TNIK: variants seen among roughly 807,000 people sequenced by gnomAD.
The protein encoded by TNIK is TRAF2 and NCK-interacting protein kinase.
Under a neutral mutation model 191.3 loss-of-function variants are expected in TNIK, and 49 were observed. The ratio of observed to expected loss-of-function variants is 0.26; its 90% CI spans 0.20 to 0.32. The LOEUF is 0.32. Ranked by LOEUF, TNIK falls within the 10% of genes least tolerant of loss-of-function variation. TNIK has a pLI of 1.00. For missense variants in TNIK, 1,155 were observed against 1,702.3 expected, an observed-to-expected ratio of 0.68 and a Z score of 5.66; for synonymous variants, 594 against 600.9, an observed-to-expected ratio of 0.99 and a Z score of 0.17.
chr3:171,249,821 C>A (rs1560320549), intron 2 of TNIK, among the ~76,000 whole-genome samples: 1 of 152,180 alleles, frequency 6.6e-6, no homozygotes, highest in Non-Finnish European at 1.5e-5. Context: ...CCAACCCACC[C>A]AACCCAACCT....
chr3:171,317,217 T>G (rs1432362907), intron 2 of TNIK, among the ~76,000 whole-genome samples: 2 of 152,060 alleles, frequency 1.3e-5, no homozygotes, highest in Admixed American at 1.3e-4. Flanking sequence ...GGCCAGGTTC[T>G]TTGGTTTAGG....
intron 12 of TNIK, among the ~76,000 whole-genome samples, chr3:171,151,461 CAAG>C (rs1430168577): frequency 6.6e-6 from 1 of 152,328 alleles, no homozygotes; most frequent in East Asian, 1.9e-4. Flanking sequence ...ACACCAATAA[CAAG>C]AACAACTCAT....
chr3:171,095,771 A>G (rs1356433060), intron 22 of TNIK, among the ~76,000 whole-genome samples: 1 of 152,214 alleles, frequency 6.6e-6, no homozygotes, highest in East Asian at 1.9e-4. Flanking sequence ...CATTGCAATT[A>G]CTAAACTGGA....
At position 171,125,962 on chromosome 3, in the gene TNIK, T is replaced by C; in HGVS notation, c.1963A>G (p.Lys655Glu). The change falls in exon 17 of 33, where the codon AAG (lysine) becomes GAG (glutamate). Residue 655 changes from lysine to glutamate, a missense_variant. Transcript: ENST00000436636. ...CGTAACCAAGAGCTTCGGTCAAACT[T>C]TTCAATGCGAGTGGGGAGAGGAGGA... is the stretch of plus-strand genomic sequence containing the variant. ...ENPPLPTRIE[K>E]FDRSSWLRQE... 6.2e-7 allele frequency: 1 copy of C among 1,613,984 alleles called. No individual in the cohort carries two copies. The highest frequency in any genetic ancestry group is 2.2e-5 in the East Asian group (1 of 44,882).
At chr3:171,161,732 C>T (rs1020226065) in intron 10 of TNIK, among the ~76,000 whole-genome samples, 36 of 151,838 alleles carry the variant, frequency 2.4e-4, no homozygotes, top group Admixed American at 7.9e-4. Context: ...TCCTGGCTAA[C>T]ATGGCAAAAC....
chr3:171,214,103 G>A (rs1023158871), intron 3 of TNIK, among the ~76,000 whole-genome samples: 10 of 151,868 alleles, frequency 6.6e-5, no homozygotes, highest in South Asian at 6.2e-4. Context: ...TTGATCTTAC[G>A]CAACTTTTTA....
rs181355926 is a variant in TNIK, at chr3:171,454,288, T to C, written c.57+5719A>G. Among the ~76,000 whole-genome samples, 426 of 151,932 alleles carry C rather than the reference T, an allele frequency of 2.8e-3. 4 individuals are homozygous for C. The highest frequency in any genetic ancestry group is 9.9e-3 in the African/African-American group (410 of 41,410). ...ACTATCACTGAGAGAAGGAATGGCG[T>C]CGAAACAAGAAGGGCACGGAAGATT... On this transcript the variant is annotated intron_variant, in intron 1 of 32. Transcript: ENST00000436636.
At chr3:171,368,766 G>A (rs1873791) in intron 2 of TNIK, among the ~76,000 whole-genome samples, 10,642 of 152,018 alleles carry the variant, frequency 0.07, 447 homozygotes, top group South Asian at 0.16. Context: ...AATAGAACAC[G>A]AGATAATTTG....
chr3:171,075,608 A>G (rs1042302740), intron 28 of TNIK, among the ~76,000 whole-genome samples: 1 of 152,168 alleles, frequency 6.6e-6, no homozygotes, highest in Admixed American at 6.5e-5. Flanking sequence ...ATTCCTTTTT[A>G]AAAAAACAAA....
chr3:171,224,589 C>CA (rs1742755020), intron 3 of TNIK, among the ~76,000 whole-genome samples: 1 of 152,090 alleles, frequency 6.6e-6, no homozygotes, highest in African/African-American at 2.4e-5. Flanking sequence ...GAGGAGTTTA[C>CA]AGAAAAGGCA....
At chr3:171,262,274 C>G (rs1202292480) in intron 2 of TNIK, among the ~76,000 whole-genome samples, 2 of 152,116 alleles carry the variant, frequency 1.3e-5, no homozygotes, top group Admixed American at 1.3e-4. Flanking sequence ...CTCATGTACC[C>G]CTCCCATCAC....
At chr3:171,316,405 T>C (rs1183192925) in intron 2 of TNIK, among the ~76,000 whole-genome samples, 1 of 152,106 alleles carries the variant, frequency 6.6e-6, no homozygotes, top group Admixed American at 6.6e-5. Context: ...GAAGGTTTCA[T>C]GAAAGAGGAG....
intron 2 of TNIK, among the ~76,000 whole-genome samples, chr3:171,355,391 G>C (rs1036494382): frequency 1.3e-5 from 2 of 152,248 alleles, no homozygotes; most frequent in South Asian, 2.1e-4. Flanking sequence ...AAGTTCACAA[G>C]TGGGTACAAA....
chr3:171,459,251 C>T (rs1396311372), intron 1 of TNIK, among the ~76,000 whole-genome samples: 2 of 152,144 alleles, frequency 1.3e-5, no homozygotes, highest in African/African-American at 2.4e-5. Context: ...CACTCGCACA[C>T]ACTCCAGGGA....
intron 1 of TNIK, among the ~76,000 whole-genome samples, chr3:171,406,633 C>T (rs967762137): frequency 2.6e-5 from 4 of 152,178 alleles, no homozygotes; most frequent in African/African-American, 9.7e-5. Context: ...CAGGATCTCA[C>T]TGTTGCCCAG....
At chr3:171,189,740 A>C (rs1737804427) in intron 6 of TNIK, among the ~76,000 whole-genome samples, 1 of 152,220 alleles carries the variant, frequency 6.6e-6, no homozygotes, top group East Asian at 1.9e-4. Flanking sequence ...CTGGCATATA[A>C]TATATACTCA....
At chr3:171,368,803 G>T (rs1039915344) in intron 2 of TNIK, among the ~76,000 whole-genome samples, 2 of 152,178 alleles carry the variant, frequency 1.3e-5, no homozygotes, top group Admixed American at 1.3e-4. Context: ...CCATATCGCT[G>T]CCACTAGGGA....
chr3:171,128,376 C>T (rs1169156064), intron 16 of TNIK, among the ~76,000 whole-genome samples: 1 of 152,226 alleles, frequency 6.6e-6, no homozygotes, highest in Admixed American at 6.5e-5. Context: ...CACACACATA[C>T]ACACACCTCA....
At chr3:171,250,421 G>T (rs983614531) in intron 2 of TNIK, among the ~76,000 whole-genome samples, 3 of 152,078 alleles carry the variant, frequency 2.0e-5, no homozygotes, top group African/African-American at 2.4e-5. Context: ...TCAGAAACAG[G>T]GATTCCTAGA....
Sources: allele counts gnomAD v4.1 joint callset (sites outside exome capture counted in the v4.1 genomes callset), GRCh38; gene constraint gnomAD v4.1.1; transcripts MANE v1.5; gene names NCBI Gene and HGNC (gene_info 2026-07-23, HGNC 2026-07-21).